Variants in CCT4 observed in about 807,000 individuals in gnomAD.
CCT4 encodes the protein T-complex protein 1 subunit delta.
CCT4 carries 17 observed loss-of-function variants against 62.5 expected under a neutral mutation model. That is an observed-to-expected ratio of 0.27 (90% CI 0.19 to 0.41). CCT4 has a LOEUF of 0.41. Among genes scored for constraint, CCT4 ranks in the 10% least tolerant of loss-of-function variants. The pLI is 1.00. For missense variants in CCT4, 592 were observed against 659.2 expected, an observed-to-expected ratio of 0.90 and a Z score of 1.12; for synonymous variants, 250 against 229.9, an observed-to-expected ratio of 1.09 and a Z score of -0.79.
chr2:61,869,707 G>C (rs1194766134), intron 12 of CCT4, among the ~76,000 whole-genome samples, 154 bp from the exon 13 acceptor site: 1 of 152,080 alleles, frequency 6.6e-6, no homozygotes, highest in Non-Finnish European at 1.5e-5. Context: ...TCTCTACACT[G>C]TGGGATGTTA....
intron 12 of CCT4, among the ~76,000 whole-genome samples, chr2:61,870,878 C>CTGCA (rs1668869835): frequency 2.6e-5 from 4 of 152,056 alleles, no homozygotes; most frequent in African/African-American, 9.7e-5. Context: ...GACAGTGCTA[C>CTGCA]TGCACTGCAG....
rs894745123 is a variant in CCT4 at position 61,868,389 on chromosome 2, T to C, written c.*303A>G. The stretch of plus-strand genomic sequence containing the variant: ...AGGGAGCATTTATCAGTGATGAGCA[T>C]ATTGGGCCATTTTTTTCCTCAACAT... On this transcript the variant is annotated 3_prime_UTR_variant, in exon 14 of 14. Transcript: ENST00000394440. The C allele has an allele frequency of 9.8e-5, 34 of 345,614 alleles. No homozygotes were observed. Among genetic ancestry groups the C allele is most frequent in the Non-Finnish European group, 1.7e-4 (31 of 187,464 alleles). The allele number at this position is 345,614 out of a possible 1,614,324, so 21.4% of individuals were successfully genotyped here.
At chr2:61,875,806 T>C (rs1194696956) in intron 8 of CCT4, among the ~76,000 whole-genome samples, 1 of 152,180 alleles carries the variant, frequency 6.6e-6, no homozygotes, top group Non-Finnish European at 1.5e-5. Flanking sequence ...TTTATTGTTT[T>C]GAATTTACAA....
chr2:61,885,073 C>T lies in CCT4; in HGVS notation c.128-1G>A. 1 of 1,529,910 alleles carries T rather than the reference C, an allele frequency of 6.5e-7. No homozygotes were observed. Among genetic ancestry groups the T allele is most frequent in the Non-Finnish European group, 8.7e-7 (1 of 1,149,180 alleles). 94.8% of individuals were successfully genotyped at this position (1,529,910 alleles called of 1,614,324 possible). The stretch of plus-strand genomic sequence containing the variant: ...CTTGTTCTAATAGCATCAGCAACCG[C>T]TGCAGATGGGGGGGAAAAAAAAGAA... On this transcript the variant is annotated splice_acceptor_variant, in intron 1 of 13. Transcript: ENST00000394440. LOFTEE classifies it high-confidence loss of function.
chr2:61,871,419 G>A (rs1432113229), intron 12 of CCT4, among the ~76,000 whole-genome samples: 1 of 152,072 alleles, frequency 6.6e-6, no homozygotes, highest in Non-Finnish European at 1.5e-5. Flanking sequence ...CTACACAGGT[G>A]AAGAACTGCT....
In CCT4 at chr2:61,883,783, C is replaced by CGT. The variant is rs1558508287; in HGVS notation, c.181-236_181-235insAC. On this transcript the variant is annotated intron_variant, in intron 2 of 13. Coordinates refer to ENST00000394440, the MANE Select transcript of CCT4 (RefSeq NM_006430.4). ...AAGTGAAGAAATGTAGACACACACA[C>CGT]ACACACACACACACACACACACACA... Among the ~76,000 whole-genome samples the CGT allele has an allele frequency of 3.1e-3, 430 of 136,906 alleles. 1 individual carries two copies. The highest frequency in any genetic ancestry group is 7.2e-3 in the East Asian group (37 of 5,126). The allele number at this position is 136,906 out of a possible 152,430, so 89.8% of individuals were successfully genotyped here. A position where few individuals can be genotyped will look rare whatever the true frequency, so the allele number is the denominator to read the frequency against.
intron 7 of CCT4, among the ~76,000 whole-genome samples, chr2:61,876,597 GAGTGC>G (rs1390323415): frequency 6.6e-6 from 1 of 152,180 alleles, no homozygotes; most frequent in African/African-American, 2.4e-5. Flanking sequence ...GGCTGGAGTG[GAGTGC>G]AGGGACTATT....
rs77572312 is a variant in CCT4 at position 61,877,527 on chromosome 2, A to T, written c.523-13T>A. The stretch of plus-strand genomic sequence containing the variant: ...ACTGAGAAACCACCTAGAATTATTA[A>T]AAAAAAAAAAAAGTTACCTTCACAG... On this transcript the variant is annotated splice_polypyrimidine_tract_variant and intron_variant, in intron 5 of 13. Coordinates refer to ENST00000394440, the MANE Select transcript of CCT4 (RefSeq NM_006430.4). 6.2e-6 allele frequency: 6 copies of T among 969,044 alleles called. No individual in the cohort carries two copies. Among genetic ancestry groups the T allele is most frequent in the East Asian group, 1.5e-4 (2 of 13,516 alleles). 60.0% of individuals were successfully genotyped at this position (969,044 alleles called of 1,614,324 possible). A position where few individuals can be genotyped will look rare whatever the true frequency, so the allele number is the denominator to read the frequency against.
At chr2:61,872,926 C>CA in intron 10 of CCT4, 76 bp downstream of exon 10, 2 of 897,006 alleles carry the variant, frequency 2.2e-6, no homozygotes, top group South Asian at 1.4e-5. Context: ...GACTCCGTCT[C>CA]AAAAAAAGAA....
Position 61,876,165 on chromosome 2 carries a change from T to C in CCT4, c.847A>G (p.Ile283Val), listed in dbSNP as rs1280029719. The C allele has an allele frequency of 6.2e-7, 1 of 1,607,572 alleles. No individual in the cohort carries two copies. The highest frequency in any genetic ancestry group is 8.5e-7 in the Non-Finnish European group (1 of 1,174,412). ...DRVLREERAY[I>V]LNLVKQIKKT... Reference sequence around the variant, plus strand: ...TTAATTTGCTTCACTAAATTTAAAATATAGGCTCTCTCTTCTCGCAGCACT... The same window carrying C: ...TTAATTTGCTTCACTAAATTTAAAACATAGGCTCTCTCTTCTCGCAGCACT... The change falls in exon 8 of 14, where the codon ATT becomes GTT. Residue 283 changes from isoleucine (I) to valine (V), a missense_variant. Coordinates refer to ENST00000394440, the MANE Select transcript of CCT4 (RefSeq NM_006430.4).
chr2:61,875,359 A>C (rs1208878702), intron 8 of CCT4, among the ~76,000 whole-genome samples: 1 of 151,922 alleles, frequency 6.6e-6, no homozygotes, highest in Admixed American at 6.6e-5. Flanking sequence ...CGGGTGGATC[A>C]TGAGGTCAGG....
chr2:61,873,681 T>G (rs1260040401), intron 8 of CCT4, among the ~76,000 whole-genome samples: 1 of 151,994 alleles, frequency 6.6e-6, no homozygotes, highest in African/African-American at 2.4e-5. Context: ...TTCTCCTGCC[T>G]CAGCCTCCCA....
intron 10 of CCT4, 76 bp from the exon 11 acceptor site, chr2:61,872,664 A>C (rs1572915371): frequency 7.4e-6 from 11 of 1,476,736 alleles, no homozygotes; most frequent in Middle Eastern, 1.8e-4. Flanking sequence ...ACGGCGGCTC[A>C]CGCCTGTAAA....
chr2:61,878,816 A>C (rs1205861502), intron 5 of CCT4, 53 bp downstream of exon 5: 1 of 1,317,018 alleles, frequency 7.6e-7, no homozygotes, highest in African/African-American at 1.5e-5. Flanking sequence ...CAAGAATCAT[A>C]GAGTAACACA....
chr2:61,882,134 T>C (rs778560434), intron 3 of CCT4, among the ~76,000 whole-genome samples: 3 of 152,146 alleles, frequency 2.0e-5, no homozygotes, highest in Admixed American at 6.6e-5. Context: ...GGTTTCACGA[T>C]GTTGGCCAGG....
upstream of CCT4, chr2:61,888,669 G>A: frequency 2.5e-6 from 2 of 791,690 alleles, no homozygotes; most frequent in Non-Finnish European, 3.8e-6. Context: ...GGCCTTCCTT[G>A]CCGCGCGGCG....
chr2:61,883,593 T>C (rs1229625786), intron 2 of CCT4, 45 bp from the exon 3 acceptor site: 5 of 902,864 alleles, frequency 5.5e-6, no homozygotes, highest in Non-Finnish European at 8.7e-6. Context: ...CACACCTTAA[T>C]AGTTTTATTA....
At chr2:61,885,642 G>C (rs1200477678) in intron 1 of CCT4, 1 of 152,246 alleles carries the variant, frequency 6.6e-6, no homozygotes, top group Non-Finnish European at 1.5e-5. Context: ...TCAATCTCTT[G>C]GCCTCAAGAT....
At chr2:61,888,318 G>T in intron 1 of CCT4, 63 bp downstream of exon 1, 1 of 1,563,768 alleles carries the variant, frequency 6.4e-7, no homozygotes, top group Non-Finnish European at 8.7e-7. Flanking sequence ...ACCCGCTCAA[G>T]CCCACGATGA....
Sources: gnomAD v4.1 joint callset for allele counts (sites outside exome capture counted in the v4.1 genomes callset) on GRCh38, gnomAD v4.1.1 for gene constraint, MANE v1.5 for transcripts, NCBI Gene and HGNC (gene_info 2026-07-23, HGNC 2026-07-21) for gene names.